Variants in PCDHGB1 observed in about 807,000 individuals in gnomAD.
The protein encoded by PCDHGB1 is protocadherin gamma-B1.
PCDHGB1 carries 34 observed loss-of-function variants against 56.6 expected under a neutral mutation model. That is an observed-to-expected ratio of 0.60 (90% CI 0.46 to 0.80). PCDHGB1 has a LOEUF of 0.80. PCDHGB1 is among the 30% of genes least tolerant of loss of function. The probability of loss-of-function intolerance (pLI) is 0.00; values close to 1 mark genes in which losing one functional copy is unlikely to be tolerated. For missense variants in PCDHGB1, 1,278 were observed against 1,204.6 expected, an observed-to-expected ratio of 1.06 and a Z score of -0.90; for synonymous variants, 561 against 505.9, an observed-to-expected ratio of 1.11 and a Z score of -1.46.
In PCDHGB1 at chr5:141,487,072, T is replaced by C. The variant is rs754589618; in HGVS notation, c.2410-7735T>C. On this transcript the variant is annotated intron_variant, in intron 1 of 3. Coordinates refer to ENST00000523390, the MANE Select transcript of PCDHGB1 (RefSeq NM_018922.3). This position sits in a 1 kb window ranked among gnomAD's most constrained non-coding sequence, Gnocchi z 5.0. ...CTGGGGAGGTGCGGACGGCTGTTCCTATCCCAGCTGACCTCCCACCACAGA... is the reference window on the plus strand; with the variant it reads ...CTGGGGAGGTGCGGACGGCTGTTCCCATCCCAGCTGACCTCCCACCACAGA... 8.1e-6 allele frequency: 13 copies of C among 1,614,010 alleles called. No homozygotes were observed. Among genetic ancestry groups the C allele is most frequent in the Non-Finnish European group, 1.1e-5 (13 of 1,179,966 alleles).
intron 1 of PCDHGB1, chr5:141,356,942 C>A: frequency 6.2e-7 from 1 of 1,614,230 alleles, no homozygotes; most frequent in Non-Finnish European, 8.5e-7. Flanking sequence ...GCACCCCGCT[C>A]CGCAGATTCC....
rs751462834 is a variant in PCDHGB1, at chr5:141,360,533, T to C, written c.2409+7864T>C. The C allele has an allele frequency of 6.2e-6, 10 of 1,613,980 alleles. No homozygotes were observed. In the African/African-American group the frequency reaches 1.3e-4, roughly 22 times the overall value. The stretch of plus-strand genomic sequence containing the variant: ...GATATAAATGATAATACCCCGCTAT[T>C]CAAACAGACTAAGATTAATTTAAAA... On this transcript the variant is annotated intron_variant, in intron 1 of 3. Coordinates refer to ENST00000523390, the MANE Select transcript of PCDHGB1 (RefSeq NM_018922.3).
At chr5:141,375,991 C>T (rs770239249) in intron 1 of PCDHGB1, 3 of 1,613,448 alleles carry the variant, frequency 1.9e-6, no homozygotes, top group Non-Finnish European at 1.7e-6. Context: ...TGGACAGAGA[C>T]GCGCTCAAGC....
At chr5:141,402,332 A>G (rs991402257) in intron 1 of PCDHGB1, among the ~76,000 whole-genome samples, 2 of 152,036 alleles carry the variant, frequency 1.3e-5, no homozygotes, top group African/African-American at 4.8e-5. Flanking sequence ...TTACAAATAT[A>G]TAGGTATAAA....
At chr5:141,383,236 A>G in intron 1 of PCDHGB1, 1 of 1,613,978 alleles carries the variant, frequency 6.2e-7, no homozygotes, top group Non-Finnish European at 8.5e-7. Context: ...GATGGAAGAT[A>G]AAATGAATCT....
At chr5:141,457,356 C>G (rs2098917888) in intron 1 of PCDHGB1, among the ~76,000 whole-genome samples, 1 of 152,170 alleles carries the variant, frequency 6.6e-6, no homozygotes, top group South Asian at 2.1e-4. Context: ...TTACCTGGCA[C>G]AATTTGCAAA....
chr5:141,482,363 G>C (rs2099556985), intron 1 of PCDHGB1, among the ~76,000 whole-genome samples: 1 of 152,086 alleles, frequency 6.6e-6, no homozygotes, highest in African/African-American at 2.4e-5. Flanking sequence ...AGAGTGAAAA[G>C]TAATGCATAT....
intron 3 of PCDHGB1, among the ~76,000 whole-genome samples, chr5:141,509,751 A>T (rs1430265981): frequency 6.6e-6 from 1 of 151,998 alleles, no homozygotes; most frequent in Admixed American, 6.5e-5. Flanking sequence ...CCTGTGCCTA[A>T]AGTGTCCCTG....
At chr5:141,435,054 C>A (rs891988253) in intron 1 of PCDHGB1, among the ~76,000 whole-genome samples, 7 of 151,964 alleles carry the variant, frequency 4.6e-5, no homozygotes, top group Admixed American at 1.3e-4. Context: ...ATTGACCATG[C>A]AGCAGTTTTG....
intron 1 of PCDHGB1, among the ~76,000 whole-genome samples, chr5:141,457,289 G>A (rs907200077): frequency 2.0e-5 from 3 of 152,146 alleles, no homozygotes; most frequent in Non-Finnish European, 4.4e-5. Context: ...GAAGTTCCTT[G>A]GTTTTATTTT....
chr5:141,490,412 C>T lies in PCDHGB1; in HGVS notation c.2410-4395C>T, dbSNP rs2233605. 10 of 1,614,062 alleles carry T rather than the reference C, an allele frequency of 6.2e-6. No homozygotes were observed. The highest frequency in any genetic ancestry group is 4.0e-5 in the African/African-American group (3 of 74,910). Reference sequence around the variant, plus strand: ...GGTGAAGTGAGCCTTGATATCTCTCCGGACCTGCCATTTCAGATTAAGCCT... The same window carrying T: ...GGTGAAGTGAGCCTTGATATCTCTCTGGACCTGCCATTTCAGATTAAGCCT... On this transcript the variant is annotated intron_variant, in intron 1 of 3. Transcript: ENST00000523390. This position sits in a 1 kb window ranked among gnomAD's most constrained non-coding sequence, Gnocchi z 5.4.
intron 1 of PCDHGB1, chr5:141,390,426 T>C: frequency 9.8e-7 from 1 of 1,021,884 alleles, no homozygotes; most frequent in Non-Finnish European, 1.4e-6. Flanking sequence ...TAAAAAGCTG[T>C]CATATCATTC....
chr5:141,352,609 G>T lies in PCDHGB1; in HGVS notation c.2349G>T (p.Met783Ile). ...ATCTGCTGTGTGATGATCCTTCTAT[G>T]GTTGTATGTGCCAGTAATGAAGATC... ...PQDLLCDDPS[M>I]VVCASNEDHK... Residue 783 changes from methionine (M) to isoleucine (I), a missense_variant, in exon 1 of 4, where the codon ATG (methionine) becomes ATT (isoleucine). By Grantham distance (10) the Met-to-Ile change is conservative. Transcript: ENST00000523390. The T allele has an allele frequency of 1.2e-6, 2 of 1,613,458 alleles. No homozygotes were observed. The highest frequency in any genetic ancestry group is 1.7e-6 in the Non-Finnish European group (2 of 1,179,662).
rs911465424 is a variant in PCDHGB1 at position 141,449,724 on chromosome 5, AT to A, written c.2410-45076del. ...AAACACATTATTTTTATATGATATG[AT>A]TTTTTTATGACATGATTATTTTTAT... On this transcript the variant is annotated intron_variant, in intron 1 of 3. Coordinates refer to ENST00000523390, the MANE Select transcript of PCDHGB1 (RefSeq NM_018922.3). 1.2e-4 allele frequency among the ~76,000 whole-genome samples: 18 copies of A among 151,282 alleles called. No homozygotes were observed. The South Asian group carries it at 1.9e-3, about 16-fold the overall frequency.
In PCDHGB1 at chr5:141,421,044, C is replaced by A. The variant is rs556562994; in HGVS notation, c.2409+68375C>A. 5.5e-6 allele frequency: 3 copies of A among 548,610 alleles called. No individual in the cohort carries two copies. In the South Asian group the frequency reaches 8.2e-5, roughly 15 times the overall value. The allele number at this position is 548,610 out of a possible 1,614,324, so 34.0% of individuals were successfully genotyped here. A position where few individuals can be genotyped will look rare whatever the true frequency, so the allele number is the denominator to read the frequency against. ...CGCGCCATTGAGTCCCTCCCTCCCCCGCCTCTACCACACAAAGCGGAATGA... is the reference window on the plus strand; with the variant it reads ...CGCGCCATTGAGTCCCTCCCTCCCCAGCCTCTACCACACAAAGCGGAATGA... On this transcript the variant is annotated intron_variant, in intron 1 of 3. Transcript: ENST00000523390.
intron 1 of PCDHGB1, chr5:141,367,582 AG>A (rs1765244187): frequency 6.6e-6 from 1 of 150,954 alleles, no homozygotes; most frequent in Non-Finnish European, 1.5e-5. Flanking sequence ...ATATCAGAAA[AG>A]TAGATAAAAT....
chr5:141,483,350 G>C (rs2099580423), intron 1 of PCDHGB1, among the ~76,000 whole-genome samples: 4 of 152,172 alleles, frequency 2.6e-5, no homozygotes, highest in Admixed American at 1.3e-4. Flanking sequence ...CTTTGCAATA[G>C]TTTGAAAGCT....
rs1446743849 is a variant in PCDHGB1, at chr5:141,476,288, C to T, written c.2410-18519C>T. The T allele has an allele frequency of 1.3e-5, 21 of 1,613,980 alleles. No individual in the cohort carries two copies. The highest frequency in any genetic ancestry group is 2.2e-5 in the South Asian group (2 of 91,076). On this transcript the variant is annotated intron_variant, in intron 1 of 3. Coordinates refer to ENST00000523390, the MANE Select transcript of PCDHGB1 (RefSeq NM_018922.3). This position sits in a 1 kb window ranked among gnomAD's most constrained non-coding sequence, Gnocchi z 7.6. ...CGTGGTCGCGAACCTTGGTTTGGAT[C>T]TCGGTAGCCTCTCAGCCCGCAGGTT...
chr5:141,464,824 G>A (rs1329087889), intron 1 of PCDHGB1, among the ~76,000 whole-genome samples: 2 of 151,816 alleles, frequency 1.3e-5, no homozygotes, highest in African/African-American at 2.4e-5. Context: ...CTGTAGCCTC[G>A]CACTCCTGGG....
Sources: gnomAD v4.1 joint callset for allele counts (sites outside exome capture counted in the v4.1 genomes callset) on GRCh38, gnomAD v4.1.1 for gene constraint, Gnocchi (gnomAD v3.1) non-coding constraint, MANE v1.5 for transcripts, NCBI Gene and HGNC (gene_info 2026-07-23, HGNC 2026-07-21) for gene names.